Variants in KCNIP1 observed in about 807,000 individuals in gnomAD.
The protein encoded by KCNIP1 is potassium voltage-gated channel interacting protein 1.
In KCNIP1, 18 loss-of-function variants were observed where a neutral mutation model predicts 33.0. That is an observed-to-expected ratio of 0.55 (90% confidence interval 0.38 to 0.81). KCNIP1 has a LOEUF of 0.81. Among genes scored for constraint, KCNIP1 ranks in the 30% least tolerant of loss-of-function variants. KCNIP1 has a pLI of 0.00. For missense variants in KCNIP1, 238 were observed against 271.6 expected (o/e 0.88, Z 0.87); for synonymous variants, 93 against 98.3 (o/e 0.95, Z 0.32).
At chr5:170,532,911 A>G (rs1319396309) in intron 1 of KCNIP1, among the ~76,000 whole-genome samples, 2 of 152,166 alleles carry the variant, frequency 1.3e-5, no homozygotes, top group Non-Finnish European at 2.9e-5. Flanking sequence ...CAAAGGCCAG[A>G]GGAGGGAATA....
At chr5:170,414,930 C>G (rs996896490) in intron 1 of KCNIP1, among the ~76,000 whole-genome samples, 1 of 152,184 alleles carries the variant, frequency 6.6e-6, no homozygotes, top group Non-Finnish European at 1.5e-5. Flanking sequence ...GGAGGAGATT[C>G]TTCCAGGTGT....
At chr5:170,610,919 G>C (rs72832790) in intron 1 of KCNIP1, among the ~76,000 whole-genome samples, 2,005 of 152,234 alleles carry the variant, frequency 0.013, 28 homozygotes, top group Non-Finnish European at 0.019. Context: ...AGTATGTGCG[G>C]GGTTCTTTCA....
chr5:170,674,135 GGA>G (rs1221188783), intron 1 of KCNIP1, among the ~76,000 whole-genome samples: 1 of 27,008 alleles, frequency 3.7e-5, no homozygotes, highest in Non-Finnish European at 9.4e-5. Context: ...CAATGAGGAA[GGA>G]AGGAAGGAAG....
chr5:170,511,195 C>A (rs368828352), intron 1 of KCNIP1, among the ~76,000 whole-genome samples: 1 of 152,082 alleles, frequency 6.6e-6, no homozygotes, highest in Non-Finnish European at 1.5e-5. Flanking sequence ...GATGACAGAG[C>A]GAGACTCCGT....
chr5:170,661,623 C>G (rs1761490216), intron 1 of KCNIP1, among the ~76,000 whole-genome samples: 1 of 152,142 alleles, frequency 6.6e-6, no homozygotes, highest in Non-Finnish European at 1.5e-5. Context: ...TGCCTGATCT[C>G]CAGGATAGCA....
chr5:170,668,352 G>C (rs1011673692), intron 1 of KCNIP1, among the ~76,000 whole-genome samples: 2 of 152,178 alleles, frequency 1.3e-5, no homozygotes, highest in Non-Finnish European at 2.9e-5. Flanking sequence ...ACTGGTCCCT[G>C]CTAGGACAAA....
intron 1 of KCNIP1, chr5:170,712,875 A>G: frequency 6.2e-7 from 1 of 1,613,866 alleles, no homozygotes; most frequent in Non-Finnish European, 8.5e-7. Flanking sequence ...TGGTATTACC[A>G]GTATCAGAGA....
At chr5:170,502,873 A>G (rs1449495514), upstream of KCNIP1, among the ~76,000 whole-genome samples, 1 of 152,162 alleles carries the variant, frequency 6.6e-6, no homozygotes, top group Non-Finnish European at 1.5e-5. Flanking sequence ...TCCACCTTCC[A>G]GGGAGCAAAC....
intron 1 of KCNIP1, among the ~76,000 whole-genome samples, chr5:170,577,960 TA>T (rs60237759): frequency 6.6e-6 from 1 of 152,112 alleles, no homozygotes; most frequent in Non-Finnish European, 1.5e-5. Flanking sequence ...TTTGCTATCC[TA>T]AAAAAAATGT....
intron 1 of KCNIP1, among the ~76,000 whole-genome samples, chr5:170,521,488 T>C (rs1434107587): frequency 1.3e-5 from 2 of 152,372 alleles, no homozygotes; most frequent in East Asian, 1.9e-4. Context: ...TTCAGTCTTT[T>C]GTGTGCTGAT....
chr5:170,439,390 G>A (rs12514661), intron 1 of KCNIP1, among the ~76,000 whole-genome samples: 10,786 of 152,288 alleles, frequency 0.071, 502 homozygotes, highest in Middle Eastern at 0.14. Context: ...CAAGGGCCCC[G>A]GGCTGGGCTG....
At chr5:170,539,145 A>T (rs1049628999) in intron 1 of KCNIP1, among the ~76,000 whole-genome samples, 2 of 152,076 alleles carry the variant, frequency 1.3e-5, no homozygotes, top group Non-Finnish European at 2.9e-5. Flanking sequence ...AGTCTACACT[A>T]TTGCAGACAT....
intron 1 of KCNIP1, among the ~76,000 whole-genome samples, chr5:170,656,528 A>G (rs181265009): frequency 2.6e-5 from 4 of 152,176 alleles, no homozygotes; most frequent in Non-Finnish European, 2.9e-5. Flanking sequence ...CCAGTCCCCA[A>G]CTCAACAGGA....
intron 1 of KCNIP1, among the ~76,000 whole-genome samples, chr5:170,494,286 A>G (rs904866141): frequency 1.3e-5 from 2 of 152,232 alleles, no homozygotes; most frequent in African/African-American, 4.8e-5. Flanking sequence ...ACTGTCAATT[A>G]GCTCCCCCCA....
At chr5:170,546,083 G>A (rs964378553) in intron 1 of KCNIP1, among the ~76,000 whole-genome samples, 12 of 152,266 alleles carry the variant, frequency 7.9e-5, no homozygotes, top group African/African-American at 2.2e-4. Context: ...AGACTGAATC[G>A]ACCACCTCTG....
intron 1 of KCNIP1, among the ~76,000 whole-genome samples, chr5:170,679,826 A>G (rs1762269923): frequency 6.6e-6 from 1 of 151,558 alleles, no homozygotes; most frequent in Non-Finnish European, 1.5e-5. Context: ...CCTTTTATGT[A>G]TGCACTATAA....
chr5:170,399,899 C>A (rs1395332743), intron 1 of KCNIP1, among the ~76,000 whole-genome samples: 1 of 152,224 alleles, frequency 6.6e-6, no homozygotes, highest in Non-Finnish European at 1.5e-5. Context: ...TTCCTTCCAA[C>A]AGGTTCCTAA....
At chr5:170,710,628 G>A (rs1763411402) in intron 1 of KCNIP1, among the ~76,000 whole-genome samples, 1 of 152,200 alleles carries the variant, frequency 6.6e-6, no homozygotes, top group South Asian at 2.1e-4. Flanking sequence ...GGACTGAGCT[G>A]TTTTCATGCA....
At chr5:170,428,491 G>T (rs1229125917) in intron 1 of KCNIP1, among the ~76,000 whole-genome samples, 3 of 151,384 alleles carry the variant, frequency 2.0e-5, no homozygotes, top group Non-Finnish European at 4.4e-5. Context: ...CATAATATCT[G>T]ACACAAACAT....
Sources: gnomAD v4.1 joint callset for allele counts (sites outside exome capture counted in the v4.1 genomes callset) on GRCh38, gnomAD v4.1.1 for gene constraint, MANE v1.5 for transcripts, NCBI Gene and HGNC (gene_info 2026-07-23, HGNC 2026-07-21) for gene names.